Variants in PPARG observed in about 807,000 individuals in gnomAD.
PPARG encodes the protein peroxisome proliferator activated receptor gamma.
A neutral mutation model predicts 39.2 loss-of-function variants in PPARG; 17 were observed. The ratio of observed to expected loss-of-function variants is 0.43; its 90% confidence interval spans 0.30 to 0.65. The LOEUF is 0.65. PPARG is among the 30% of genes least tolerant of loss of function. PPARG has a pLI of 0.13. For synonymous variants in PPARG, 223 were observed against 215.7 expected (o/e 1.03, Z -0.30); for missense variants, 406 against 585.9 (o/e 0.69, Z 3.17).
chr3:12,305,391 A>C (rs1309162313), intron 1 of PPARG, among the ~76,000 whole-genome samples: 1 of 152,202 alleles, frequency 6.6e-6, no homozygotes, highest in Non-Finnish European at 1.5e-5. Flanking sequence ...GATTTTTTTA[A>C]AGTATTGACT....
chr3:12,394,127 T>G (rs1187714458), intron 5 of PPARG, among the ~76,000 whole-genome samples: 2 of 152,208 alleles, frequency 1.3e-5, no homozygotes, highest in Non-Finnish European at 2.9e-5. Context: ...GGGTTGTATT[T>G]TAGGTGATGC....
At chr3:12,334,245 C>T (rs1984669) in intron 2 of PPARG, among the ~76,000 whole-genome samples, 37,136 of 136,372 alleles carry the variant, frequency 0.27, 4,691 homozygotes, top group East Asian at 0.34. Flanking sequence ...TTTTTTTTTT[C>T]TTTGAGACAG....
At chr3:12,378,449 A>G (rs192410212) in intron 2 of PPARG, among the ~76,000 whole-genome samples, 21 of 152,312 alleles carry the variant, frequency 1.4e-4, no homozygotes, top group African/African-American at 4.3e-4. Context: ...ACACATACAG[A>G]TGTATATGTA....
chr3:12,372,031 AG>A, intron 2 of PPARG: 1 of 717,730 alleles, frequency 1.4e-6, no homozygotes, highest in East Asian at 2.7e-5. Flanking sequence ...ACAAATGAGA[AG>A]GGATTGAAAA....
chr3:12,298,581 A>G (rs1409338923), intron 1 of PPARG, among the ~76,000 whole-genome samples: 1 of 152,126 alleles, frequency 6.6e-6, no homozygotes, highest in Admixed American at 6.5e-5. Flanking sequence ...AACTTGTGGC[A>G]TGTCCTAGAA....
At chr3:12,403,698 C>G (rs2050558833) in intron 5 of PPARG, among the ~76,000 whole-genome samples, 2 of 152,100 alleles carry the variant, frequency 1.3e-5, no homozygotes, top group South Asian at 2.1e-4. Flanking sequence ...TATTTTCAAT[C>G]CACAGTTGGT....
At chr3:12,340,694 GGA>G (rs2048158114) in intron 2 of PPARG, among the ~76,000 whole-genome samples, 3 of 152,158 alleles carry the variant, frequency 2.0e-5, no homozygotes, top group Non-Finnish European at 4.4e-5. Flanking sequence ...CAGGAATCTT[GGA>G]CTCTTTTCCT....
At chr3:12,294,003 C>A (rs1435974602) in intron 1 of PPARG, among the ~76,000 whole-genome samples, 4 of 152,174 alleles carry the variant, frequency 2.6e-5, no homozygotes. Context: ...AAGTTCCTGG[C>A]AGGGTTAGTT....
chr3:12,335,900 G>A (rs925743783), intron 2 of PPARG, among the ~76,000 whole-genome samples: 5 of 151,838 alleles, frequency 3.3e-5, no homozygotes, highest in East Asian at 3.9e-4. Context: ...CAAAGACGTC[G>A]TGACACCACT....
At chr3:12,425,955 G>A (rs933216633) in intron 7 of PPARG, among the ~76,000 whole-genome samples, 6 of 152,206 alleles carry the variant, frequency 3.9e-5, no homozygotes, top group Admixed American at 3.9e-4. Context: ...GTGCTGTTGA[G>A]TGGAGGGGCT....
intron 1 of PPARG, among the ~76,000 whole-genome samples, chr3:12,290,634 T>A (rs1349958129): frequency 6.6e-6 from 1 of 152,130 alleles, no homozygotes; most frequent in Non-Finnish European, 1.5e-5. Context: ...TAGAAGTGGA[T>A]TACTAATGGT....
chr3:12,339,963 T>C (rs747015821), intron 2 of PPARG, among the ~76,000 whole-genome samples: 1 of 152,216 alleles, frequency 6.6e-6, no homozygotes, highest in African/African-American at 2.4e-5. Context: ...GTTCTCAAAG[T>C]GTTGATCTGA....
intron 4 of PPARG, among the ~76,000 whole-genome samples, chr3:12,387,968 C>A (rs376940100): frequency 6.6e-6 from 1 of 152,116 alleles, no homozygotes; most frequent in Non-Finnish European, 1.5e-5. Context: ...AATAACTGAG[C>A]GCTCTGTGAG....
chr3:12,305,051 C>T (rs1315671237), intron 1 of PPARG, among the ~76,000 whole-genome samples: 7 of 151,874 alleles, frequency 4.6e-5, no homozygotes, highest in Non-Finnish European at 2.9e-5. Context: ...TCCTCTTTTC[C>T]CCTCAATTGT....
In PPARG at chr3:12,434,251, A is replaced by G; in HGVS notation, c.*106A>G. 1.4e-6 allele frequency: 2 copies of G among 1,437,528 alleles called. No homozygotes were observed. Among genetic ancestry groups the G allele is most frequent in the South Asian group, 2.4e-5 (2 of 82,226 alleles). 89.0% of individuals were successfully genotyped at this position (1,437,528 alleles called of 1,614,324 possible). A position where few individuals can be genotyped will look rare whatever the true frequency, so the allele number is the denominator to read the frequency against. ...TACTGTGAAAAAGCATTTTAAAAAG[A>G]AAAGGTTTTAGAATATGATCTATTT... On this transcript the variant is annotated 3_prime_UTR_variant, in exon 8 of 8. Transcript: ENST00000651735. The surrounding 1 kb of genome is among the most constrained non-coding windows in gnomAD (Gnocchi z 4.2).
chr3:12,339,855 C>T (rs2048125883), intron 2 of PPARG, among the ~76,000 whole-genome samples: 1 of 152,206 alleles, frequency 6.6e-6, no homozygotes, highest in Admixed American at 6.5e-5. Context: ...TAACAAAGCC[C>T]CTTTATTCAG....
At chr3:12,306,966 TG>T in intron 1 of PPARG, among the ~76,000 whole-genome samples, 1 of 151,984 alleles carries the variant, frequency 6.6e-6, no homozygotes, top group South Asian at 2.1e-4. Context: ...GGCGTGGTGG[TG>T]GGCGCCTGTA....
intron 7 of PPARG, among the ~76,000 whole-genome samples, chr3:12,420,400 C>T (rs545946735): frequency 2.0e-5 from 3 of 152,338 alleles, no homozygotes; most frequent in Non-Finnish European, 4.4e-5. Flanking sequence ...AAACAAATTT[C>T]TGATCCTACC....
intron 2 of PPARG, among the ~76,000 whole-genome samples, chr3:12,332,336 C>A (rs984410801): frequency 6.6e-6 from 1 of 152,026 alleles, no homozygotes; most frequent in Admixed American, 6.6e-5. Flanking sequence ...CTTTTAGAAT[C>A]TTAGTTTTAT....
Sources: allele counts gnomAD v4.1 joint callset (sites outside exome capture counted in the v4.1 genomes callset), GRCh38; gene constraint gnomAD v4.1.1; non-coding constraint Gnocchi (gnomAD v3.1); transcripts MANE v1.5; gene names NCBI Gene and HGNC (gene_info 2026-07-23, HGNC 2026-07-21).